NOX4: variants seen among roughly 807,000 people sequenced by gnomAD.
The protein encoded by NOX4 is NADPH oxidase 4, also known as kidney oxidase-1.
In NOX4, 69 loss-of-function variants were observed where a neutral mutation model predicts 87.6. That is an observed-to-expected ratio of 0.79 (90% CI 0.65 to 0.96). The LOEUF (loss-of-function observed/expected upper bound fraction) is 0.96, where lower values mean the gene tolerates loss of function less well. NOX4 is among the 40% of genes least tolerant of loss of function. The probability of loss-of-function intolerance (pLI) is 0.00; values close to 1 mark genes in which losing one functional copy is unlikely to be tolerated. For missense variants in NOX4, 680 were observed against 681.5 expected, an observed-to-expected ratio of 1.00 and a Z score of 0.02; for synonymous variants, 275 against 238.2, an observed-to-expected ratio of 1.15 and a Z score of -1.42.
At chr11:89,427,988 A>G (rs898801581) in intron 7 of NOX4, among the ~76,000 whole-genome samples, 1 of 152,252 alleles carries the variant, frequency 6.6e-6, no homozygotes, top group Non-Finnish European at 1.5e-5. Context: ...GGTTGCCCAC[A>G]AACGGAAGCC....
chr11:89,403,367 G>C (rs1383155679), intron 8 of NOX4, among the ~76,000 whole-genome samples: 1 of 152,088 alleles, frequency 6.6e-6, no homozygotes, highest in East Asian at 1.9e-4. Flanking sequence ...GTAAGATTTG[G>C]AAATGCTTGA....
chr11:89,374,077 T>C (rs3853612), intron 11 of NOX4, among the ~76,000 whole-genome samples: 9,005 of 151,994 alleles, frequency 0.059, 476 homozygotes, highest in Admixed American at 0.15. Context: ...TGCTTTATGG[T>C]CCCATATTTA....
At chr11:89,549,140 A>T in the NOX4 span, among the ~76,000 whole-genome samples, 1 of 152,228 alleles carries the variant, frequency 6.6e-6, no homozygotes, top group Non-Finnish European at 1.5e-5. Flanking sequence ...CTTGTGTGGA[A>T]ATCATCTTGC....
the NOX4 span, among the ~76,000 whole-genome samples, chr11:89,554,937 A>G: frequency 6.6e-6 from 1 of 152,180 alleles, no homozygotes; most frequent in South Asian, 2.1e-4. Context: ...AAAAATCCAA[A>G]TTAAAATAAT....
chr11:89,349,156 G>A (rs935281434), intron 13 of NOX4, among the ~76,000 whole-genome samples: 5 of 151,926 alleles, frequency 3.3e-5, no homozygotes, highest in African/African-American at 9.6e-5. Flanking sequence ...GCATGGTGGC[G>A]AGCACCTGTA....
the NOX4 span, among the ~76,000 whole-genome samples, chr11:89,560,950 C>G: frequency 8.5e-6 from 1 of 117,410 alleles, no homozygotes; most frequent in Non-Finnish European, 1.7e-5. Flanking sequence ...TAAAAAATTC[C>G]CATCTCATCT....
intron 11 of NOX4, among the ~76,000 whole-genome samples, chr11:89,397,836 C>CA (rs1168967609): frequency 1.3e-5 from 2 of 151,262 alleles, no homozygotes; most frequent in African/African-American, 2.4e-5. Flanking sequence ...GCTTCCCAAC[C>CA]AAAAAAAAGT....
chr11:89,573,201 CT>C, the NOX4 span, among the ~76,000 whole-genome samples: 1 of 151,972 alleles, frequency 6.6e-6, no homozygotes, highest in Admixed American at 6.6e-5. Context: ...TTAAATTTAC[CT>C]GCATATTTTA....
At chr11:89,572,070 C>T in the NOX4 span, among the ~76,000 whole-genome samples, 1 of 152,152 alleles carries the variant, frequency 6.6e-6, no homozygotes, top group African/African-American at 2.4e-5. Flanking sequence ...TTTACTGTAC[C>T]TAAGGCAATG....
the NOX4 span, among the ~76,000 whole-genome samples, chr11:89,550,348 G>C: frequency 6.6e-6 from 1 of 152,022 alleles, no homozygotes; most frequent in Non-Finnish European, 1.5e-5. Flanking sequence ...ACCACGTCCA[G>C]CTAATTTATG....
intron 11 of NOX4, among the ~76,000 whole-genome samples, chr11:89,375,948 A>G (rs1362076648): frequency 6.6e-6 from 1 of 152,230 alleles, no homozygotes; most frequent in Non-Finnish European, 1.5e-5. Flanking sequence ...TTAATCTCAT[A>G]ATGCATTCTA....
At chr11:89,587,070 T>A in the NOX4 span, among the ~76,000 whole-genome samples, 1 of 152,144 alleles carries the variant, frequency 6.6e-6, no homozygotes, top group East Asian at 1.9e-4. Flanking sequence ...AAGGCAACTT[T>A]TGGGAGCAAA....
intron 2 of NOX4, among the ~76,000 whole-genome samples, chr11:89,458,143 A>G (rs568641316): frequency 6.6e-6 from 1 of 152,344 alleles, no homozygotes; most frequent in Admixed American, 6.5e-5. Context: ...GCCTCACATT[A>G]CCTGACTTCG....
chr11:89,425,920 A>T (rs1943371453), intron 7 of NOX4, among the ~76,000 whole-genome samples: 1 of 152,096 alleles, frequency 6.6e-6, no homozygotes, highest in African/African-American at 2.4e-5. Flanking sequence ...ACAATTGGAG[A>T]TTCTTGAAGA....
At chr11:89,526,731 T>C in the NOX4 span, among the ~76,000 whole-genome samples, 57,728 of 151,990 alleles carry the variant, frequency 0.38, 11,246 homozygotes, top group African/African-American at 0.46. Flanking sequence ...TCCACCATGA[T>C]TGTAAGTTTC....
At chr11:89,587,249 C>T in the NOX4 span, among the ~76,000 whole-genome samples, 9 of 148,810 alleles carry the variant, frequency 6.0e-5, no homozygotes, top group South Asian at 6.2e-4. Flanking sequence ...AGAGGCACCT[C>T]GATGGCTTAG....
chr11:89,581,069 G>A, the NOX4 span, among the ~76,000 whole-genome samples: 5 of 152,190 alleles, frequency 3.3e-5, no homozygotes, highest in Admixed American at 2.0e-4. Context: ...TTGTGTCTGA[G>A]GGTTGACAGG....
chr11:89,455,312 G>T (rs560434322), intron 2 of NOX4, among the ~76,000 whole-genome samples: 44 of 152,118 alleles, frequency 2.9e-4, no homozygotes, highest in African/African-American at 1.0e-3. Context: ...ACATTCCATG[G>T]AGAAGCAGAA....
chr11:89,461,429 G>T (rs191705602), intron 2 of NOX4, among the ~76,000 whole-genome samples: 2,190 of 152,018 alleles, frequency 0.014, 55 homozygotes, highest in African/African-American at 0.05. Flanking sequence ...CGGATCATGA[G>T]GTCAGGAGAT....
Sources: gnomAD v4.1 joint callset for allele counts (sites outside exome capture counted in the v4.1 genomes callset) on GRCh38, gnomAD v4.1.1 for gene constraint, MANE v1.5 for transcripts, NCBI Gene and HGNC (gene_info 2026-07-23, HGNC 2026-07-21) for gene names.